Variants in BLNK observed in about 807,000 individuals in gnomAD.
BLNK encodes the protein B-cell linker protein.
In BLNK, 29 loss-of-function variants were observed where a neutral mutation model predicts 73.5. The ratio of observed to expected loss-of-function variants is 0.39; its 90% CI spans 0.29 to 0.54. The LOEUF (loss-of-function observed/expected upper bound fraction) is 0.54, where lower values mean the gene tolerates loss of function less well. Ranked by LOEUF, BLNK falls within the 20% of genes least tolerant of loss-of-function variation. BLNK has a pLI of 0.61. For synonymous variants in BLNK, 176 were observed against 200.8 expected (o/e 0.88, Z 1.04); for missense variants, 460 against 562.8 (o/e 0.82, Z 1.85).
At position 96,246,866 on chromosome 10, in the gene BLNK, G is replaced by A. The variant is rs555483909; in HGVS notation, c.113+118C>T. On this transcript the variant is annotated intron_variant, in intron 2 of 16. Transcript: ENST00000224337. ...GGATTCCAGCCAATAGTAAAGAAGG[G>A]TTACGTGCTAAAGAGGTAGAAACTT... 43 of 720,652 alleles carry A rather than the reference G, an allele frequency of 6.0e-5. 1 individual carries two copies. In the Admixed American group the frequency reaches 8.8e-4, roughly 15 times the overall value. The allele number at this position is 720,652 out of a possible 1,614,324, so 44.6% of individuals were successfully genotyped here.
intron 2 of BLNK, among the ~76,000 whole-genome samples, chr10:96,244,526 C>T (rs562895409): frequency 1.1e-4 from 16 of 152,186 alleles, no homozygotes; most frequent in Non-Finnish European, 2.4e-4. Flanking sequence ...TCTCATGCGG[C>T]CATAGACCAG....
chr10:96,261,213 ATAGGAAATTGTTTAAT>A (rs1334083664), intron 1 of BLNK, among the ~76,000 whole-genome samples: 1 of 152,212 alleles, frequency 6.6e-6, no homozygotes, highest in Non-Finnish European at 1.5e-5. Flanking sequence ...TATGGTAAAT[ATAGGAAATTGTTTAAT>A]TATCAATTTT....
intron 6 of BLNK, among the ~76,000 whole-genome samples, chr10:96,220,912 C>T (rs923268997): frequency 2.3e-4 from 35 of 152,242 alleles, no homozygotes; most frequent in African/African-American, 7.5e-4. Context: ...ATAGGAGTAG[C>T]GTGAATTTAT....
intron 6 of BLNK, among the ~76,000 whole-genome samples, chr10:96,223,080 G>A (rs996993962): frequency 6.6e-6 from 1 of 152,178 alleles, no homozygotes; most frequent in African/African-American, 2.4e-5. Flanking sequence ...GCTCAAGCAT[G>A]CGCATTAAGA....
chr10:96,242,063 C>A (rs782481259), intron 3 of BLNK, among the ~76,000 whole-genome samples: 1 of 151,970 alleles, frequency 6.6e-6, no homozygotes, highest in East Asian at 1.9e-4. Context: ...TTCTGTGTAC[C>A]CCCCCAAATC....
intron 6 of BLNK, among the ~76,000 whole-genome samples, chr10:96,223,331 C>T (rs2084243415): frequency 1.3e-5 from 2 of 152,124 alleles, no homozygotes; most frequent in South Asian, 4.1e-4. Context: ...GGTCAAACAG[C>T]GCACTGGATC....
At chr10:96,215,536 C>T in intron 7 of BLNK, 147 bp from the exon 8 acceptor site, 1 of 621,198 alleles carries the variant, frequency 1.6e-6, no homozygotes, top group South Asian at 2.5e-5. Flanking sequence ...CCTTATTAGA[C>T]ACACAAACCA....
chr10:96,190,171 T>G lies in BLNK; in HGVS notation c.*1802A>C. ...GGCCTTTAGTTCACAACTGAAAAGA[T>G]AGTTCTGGGCCTCAGGGGGCTCACG... On this transcript the variant is annotated 3_prime_UTR_variant, in exon 17 of 17. Transcript: ENST00000224337. The G allele has an allele frequency of 1.2e-6, 1 of 850,348 alleles. No homozygotes were observed. The highest frequency in any genetic ancestry group is 2.0e-6 in the Non-Finnish European group (1 of 500,248). The allele number at this position is 850,348 out of a possible 1,614,324, so 52.7% of individuals were successfully genotyped here.
In BLNK at chr10:96,215,345, C is replaced by T. The variant is rs375608442; in HGVS notation, c.652G>A (p.Ala218Thr). 551 of 1,613,924 alleles carry T rather than the reference C, an allele frequency of 3.4e-4. No homozygotes were observed. The highest frequency in any genetic ancestry group is 4.5e-4 in the Non-Finnish European group (530 of 1,179,958). The part of the protein sequence containing the change: ...RSTKPNSSTP[A>T]SPPGTASGRN... ...CCTGAAGCTGTTCCTGGAGGAGAGG[C>T]GGGCGTTGAGGAATTTGGCTTGGTT... is the stretch of plus-strand genomic sequence containing the variant. The change falls in exon 8 of 17, where the codon GCC becomes ACC. Residue 218 changes from alanine (A) to threonine (T), a missense_variant. Ala to Thr is a moderately conservative substitution (Grantham distance 58, BLOSUM62 0). This residue lies in a region of BLNK where 233 missense variants were observed against 232.1 expected (regional missense o/e 1.00). Coordinates refer to ENST00000224337, the MANE Select transcript of BLNK (RefSeq NM_013314.4).
intron 1 of BLNK, among the ~76,000 whole-genome samples, chr10:96,257,804 A>T (rs1201948002): frequency 2.0e-5 from 3 of 152,094 alleles, no homozygotes; most frequent in African/African-American, 7.2e-5. Context: ...CACAAACCCG[A>T]CCCTCTTGTA....
chr10:96,228,254 C>T (rs372713905), intron 4 of BLNK, among the ~76,000 whole-genome samples: 8 of 151,928 alleles, frequency 5.3e-5, no homozygotes, highest in East Asian at 3.9e-4. Flanking sequence ...CATGCACCAC[C>T]GTGCCTGGCT....
At chr10:96,223,471 A>G (rs1362794606) in intron 6 of BLNK, among the ~76,000 whole-genome samples, 1 of 152,132 alleles carries the variant, frequency 6.6e-6, no homozygotes, top group African/African-American at 2.4e-5. Flanking sequence ...GCAGACCCAT[A>G]TGGATTTGCT....
chr10:96,209,504 T>C (rs782567507), intron 9 of BLNK, among the ~76,000 whole-genome samples: 1 of 152,208 alleles, frequency 6.6e-6, no homozygotes, highest in Non-Finnish European at 1.5e-5. Context: ...GTGATCCTCC[T>C]GCCTCAGCCT....
chr10:96,233,992 G>T (rs181989680), intron 3 of BLNK, among the ~76,000 whole-genome samples: 5 of 152,354 alleles, frequency 3.3e-5, no homozygotes, highest in African/African-American at 1.2e-4. Flanking sequence ...TCTTATAACA[G>T]CACTATGTGG....
chr10:96,210,281 A>C, intron 8 of BLNK: 2 of 348,150 alleles, frequency 5.7e-6, no homozygotes, highest in Admixed American at 3.9e-5. Context: ...TCACACCTAC[A>C]TCTGTGCACA....
At chr10:96,229,250 T>G (rs587689236) in intron 4 of BLNK, among the ~76,000 whole-genome samples, 1 of 129,922 alleles carries the variant, frequency 7.7e-6, no homozygotes, top group Non-Finnish European at 1.7e-5. Context: ...TCGACCACCC[T>G]TCCCAGCCTC....
chr10:96,234,912 G>A (rs1842643090), intron 3 of BLNK, among the ~76,000 whole-genome samples: 1 of 152,260 alleles, frequency 6.6e-6, no homozygotes, highest in Non-Finnish European at 1.5e-5. Flanking sequence ...CCAGGAAGCT[G>A]AGATCCTGGG....
intron 5 of BLNK, among the ~76,000 whole-genome samples, chr10:96,227,161 T>A (rs1441014394): frequency 1.3e-5 from 2 of 150,770 alleles, no homozygotes; most frequent in African/African-American, 4.9e-5. Flanking sequence ...GTTTGTTTGT[T>A]TGTTTGTTTA....
intron 15 of BLNK, among the ~76,000 whole-genome samples, chr10:96,198,903 T>C (rs951706713): frequency 2.0e-5 from 3 of 152,258 alleles, no homozygotes; most frequent in Non-Finnish European, 4.4e-5. Flanking sequence ...TTTGCCATCT[T>C]GGCCAGGCTG....
Sources: gnomAD v4.1 joint callset for allele counts (sites outside exome capture counted in the v4.1 genomes callset) on GRCh38, gnomAD v4.1.1 for gene constraint, gnomAD v4.1.1 regional missense constraint, MANE v1.5 for transcripts, NCBI Gene and HGNC (gene_info 2026-07-23, HGNC 2026-07-21) for gene names.